The following MACROH2A2 variants were observed in gnomAD, a reference collection of about 807,000 sequenced individuals.
The protein encoded by MACROH2A2 is macroH2A.2 histone, also known as core histone macro-H2A.2.
In MACROH2A2, 6 loss-of-function variants were observed where a neutral mutation model predicts 37.6. The ratio of observed to expected loss-of-function variants is 0.16; its 90% CI spans 0.09 to 0.32. The LOEUF (loss-of-function observed/expected upper bound fraction) is 0.32. MACROH2A2 is among the 10% of genes least tolerant of loss of function. The pLI, the probability that MACROH2A2 is intolerant of heterozygous loss-of-function variation, is 1.00. For synonymous variants in MACROH2A2, 192 were observed against 202.7 expected (o/e 0.95, Z 0.45); for missense variants, 290 against 485.9 (o/e 0.60, Z 3.79).
chr10:70,088,209 A>T (rs887707120), intron 2 of MACROH2A2, among the ~76,000 whole-genome samples: 51 of 147,474 alleles, frequency 3.5e-4, no homozygotes, highest in African/African-American at 1.2e-3. Context: ...TCACACACAC[A>T]CAGTACATTC....
chr10:70,096,371 T>C (rs10823483), intron 6 of MACROH2A2, among the ~76,000 whole-genome samples: 12,667 of 152,282 alleles, frequency 0.083, 646 homozygotes, highest in East Asian at 0.21. Context: ...CTATAGTGAA[T>C]AGTGCTACTA....
chr10:70,086,369 T>G (rs1464615123), intron 2 of MACROH2A2, among the ~76,000 whole-genome samples: 3 of 152,168 alleles, frequency 2.0e-5, no homozygotes, highest in Non-Finnish European at 1.5e-5. Context: ...TATAGATTGT[T>G]TCAAAAGAGT....
intron 7 of MACROH2A2, among the ~76,000 whole-genome samples, chr10:70,102,716 C>CA (rs59862078): frequency 3.2e-4 from 45 of 141,534 alleles, no homozygotes; most frequent in Middle Eastern, 7.0e-3. Flanking sequence ...GATTCTGTCT[C>CA]AAAAAAAAAA....
intron 5 of MACROH2A2, among the ~76,000 whole-genome samples, chr10:70,095,383 A>AG (rs890707764): frequency 2.6e-5 from 4 of 151,744 alleles, no homozygotes; most frequent in African/African-American, 7.2e-5. Flanking sequence ...AAAAAAAAAA[A>AG]AGAGAGGGGA....
Position 70,111,895 on chromosome 10 carries a change from G to GTGTT in MACROH2A2, c.*214_*217dup. 1 of 390,478 alleles carries GTGTT rather than the reference G, an allele frequency of 2.6e-6. No individual in the cohort carries two copies. The highest frequency in any genetic ancestry group is 3.8e-5 in the East Asian group (1 of 26,642). The allele number at this position is 390,478 out of a possible 1,614,324, so 24.2% of individuals were successfully genotyped here. ...GTCTCCGCGAGGGGTTTCTTTCCAT[G>GTGTT]TGTTTTCCTCCTGTTGTTTTAGAAC... On this transcript the variant is annotated 3_prime_UTR_variant, in exon 9 of 9. Transcript: ENST00000373255.
intron 2 of MACROH2A2, among the ~76,000 whole-genome samples, chr10:70,088,696 C>T (rs529315505): frequency 6.6e-6 from 1 of 152,350 alleles, no homozygotes; most frequent in South Asian, 2.1e-4. Flanking sequence ...TCCTGGCATT[C>T]CCTTTAGGAA....
At chr10:70,071,021 G>C (rs796769375) in intron 1 of MACROH2A2, among the ~76,000 whole-genome samples, 2 of 151,712 alleles carry the variant, frequency 1.3e-5, no homozygotes, top group African/African-American at 4.8e-5. Context: ...GTGTGAGCGC[G>C]TGCATGTATG....
Position 70,075,939 on chromosome 10 carries a change from A to G in MACROH2A2, c.172+109A>G, listed in dbSNP as rs1450751905. Reference sequence around the variant, plus strand: ...TCCAAATTGCCTTTTGGCTGGCTCAAGGCTACTGTGGGTGGTGACAGGGTT... The same window carrying G: ...TCCAAATTGCCTTTTGGCTGGCTCAGGGCTACTGTGGGTGGTGACAGGGTT... On this transcript the variant is annotated intron_variant, in intron 2 of 8. Coordinates refer to ENST00000373255, the MANE Select transcript of MACROH2A2 (RefSeq NM_018649.3). The surrounding 1 kb of genome is among the most constrained non-coding windows in gnomAD (Gnocchi z 5.0). 4.6e-6 allele frequency: 4 copies of G among 870,000 alleles called. No homozygotes were observed. The highest frequency in any genetic ancestry group is 1.7e-5 in the South Asian group (1 of 60,576). The allele number at this position is 870,000 out of a possible 1,614,324, so 53.9% of individuals were successfully genotyped here.
intron 4 of MACROH2A2, 46 bp downstream of exon 4, chr10:70,092,000 G>C: frequency 7.0e-7 from 1 of 1,433,120 alleles, no homozygotes; most frequent in Non-Finnish European, 9.8e-7. Context: ...CCACTGCAAT[G>C]GTCTGAATGT....
chr10:70,111,455 C>T (rs2072373942), intron 8 of MACROH2A2, 63 bp from the exon 9 acceptor site: 1 of 1,482,148 alleles, frequency 6.7e-7, no homozygotes, highest in African/African-American at 1.4e-5. Flanking sequence ...AACAAAGGCA[C>T]TTCATGCTCC....
chr10:70,099,208 C>G (rs940738240), intron 6 of MACROH2A2: 1 of 152,222 alleles, frequency 6.6e-6, no homozygotes, highest in Non-Finnish European at 1.5e-5. Flanking sequence ...ACAAAGAAAA[C>G]CCCTCTGCAC....
chr10:70,055,992 C>T (rs761492220), intron 1 of MACROH2A2, among the ~76,000 whole-genome samples: 2 of 151,990 alleles, frequency 1.3e-5, no homozygotes, highest in African/African-American at 4.8e-5. Context: ...AAAAAGATCA[C>T]CAAGATGTAC....
intron 1 of MACROH2A2, among the ~76,000 whole-genome samples, chr10:70,072,260 AT>A (rs1424962009): frequency 6.6e-6 from 1 of 151,766 alleles, no homozygotes. Context: ...TTCTATTAAA[AT>A]TTTTTTTAAC....
chr10:70,092,857 G>A (rs995265685), intron 4 of MACROH2A2, among the ~76,000 whole-genome samples: 5 of 152,122 alleles, frequency 3.3e-5, no homozygotes, highest in Non-Finnish European at 5.9e-5. Flanking sequence ...CCTGAGTTCC[G>A]CCAGTGGAAT....
chr10:70,055,824 T>C (rs2072012790), intron 1 of MACROH2A2, among the ~76,000 whole-genome samples: 1 of 152,188 alleles, frequency 6.6e-6, no homozygotes, highest in South Asian at 2.1e-4. Context: ...GAGCTCAGCA[T>C]GTATAAGGAT....
Position 70,107,088 on chromosome 10 carries a change from G to A in MACROH2A2, c.779-1945G>A, listed in dbSNP as rs996628821. Among the ~76,000 whole-genome samples the A allele has an allele frequency of 6.6e-5, 10 of 152,300 alleles. No homozygotes were observed. Among genetic ancestry groups the A allele is most frequent in the African/African-American group, 2.2e-4 (9 of 41,568 alleles). On this transcript the variant is annotated intron_variant, in intron 7 of 8. Coordinates refer to ENST00000373255, the MANE Select transcript of MACROH2A2 (RefSeq NM_018649.3). This position sits in a 1 kb window ranked among gnomAD's most constrained non-coding sequence, Gnocchi z 4.4. ...GTGCACAAATATACGTGGTCGTAGA[G>A]TCAGCACGCATGGCGGGCCCCTACC... is the stretch of plus-strand genomic sequence containing the variant.
intron 1 of MACROH2A2, among the ~76,000 whole-genome samples, chr10:70,074,714 G>A (rs971299390): frequency 1.3e-5 from 2 of 152,108 alleles, no homozygotes; most frequent in African/African-American, 4.8e-5. Context: ...CCTTTCGCTT[G>A]GTTCTCATTC....
intron 7 of MACROH2A2, among the ~76,000 whole-genome samples, chr10:70,105,420 G>C (rs1349691141): frequency 1.3e-5 from 2 of 152,224 alleles, no homozygotes; most frequent in Non-Finnish European, 2.9e-5. Flanking sequence ...GAGGGAGTCA[G>C]GGACAAAGGA....
intron 1 of MACROH2A2, among the ~76,000 whole-genome samples, chr10:70,074,616 A>G (rs537321365): frequency 2.0e-5 from 3 of 152,274 alleles, no homozygotes; most frequent in South Asian, 2.1e-4. Flanking sequence ...GGTGGGAGAT[A>G]ATTGAATCAT....
Sources: gnomAD v4.1 joint callset for allele counts (sites outside exome capture counted in the v4.1 genomes callset) on GRCh38, gnomAD v4.1.1 for gene constraint, Gnocchi (gnomAD v3.1) non-coding constraint, MANE v1.5 for transcripts, NCBI Gene and HGNC (gene_info 2026-07-23, HGNC 2026-07-21) for gene names.